Variants in UTRN observed in about 807,000 individuals in gnomAD.
UTRN encodes the protein dystrophin-related protein 1.
A neutral mutation model predicts 463.9 loss-of-function variants in UTRN; 283 were observed. That is an observed-to-expected ratio of 0.61 (90% CI 0.55 to 0.67). The LOEUF (loss-of-function observed/expected upper bound fraction) is 0.67, where lower values mean the gene tolerates loss of function less well. Ranked by LOEUF, UTRN falls within the 30% of genes least tolerant of loss-of-function variation. The probability of loss-of-function intolerance (pLI) is 0.00; values close to 1 mark genes in which losing one functional copy is unlikely to be tolerated. For missense variants in UTRN, 3,922 were observed against 4,084.3 expected (o/e 0.96, Z 1.08); for synonymous variants, 1,442 against 1,431.5 (o/e 1.01, Z -0.17).
In UTRN at chr6:144,436,037, G is replaced by T; in HGVS notation, c.958G>T (p.Glu320Ter). The T allele has an allele frequency of 6.2e-7, 1 of 1,614,240 alleles. No individual in the cohort carries two copies. Among genetic ancestry groups the T allele is most frequent in the Admixed American group, 1.7e-5 (1 of 60,030 alleles). Residue 320 changes from glutamate to a stop codon, truncating the protein, a stop_gained, in exon 10 of 75, where the codon GAA becomes TAA. Transcript: ENST00000367545. LOFTEE classifies it high-confidence loss of function. ...DLDSYQIALE[E>*]VLTWLLSAED... ...GGACAGCTATCAGATTGCGTTGGAG[G>T]AAGTGCTGACCTGGTTGCTTTCTGC...
In UTRN at chr6:144,827,378, G is replaced by A. The variant is rs115925691; in HGVS notation, c.9525G>A (p.Glu3175=). ...TCACACTCATCAGTATGTGGCCAGA[G>A]CACTATGAGTGAGTATTCATAGCCC... ...TPITLISMWP[E]HYDPSQSPQL... is the part of the protein sequence containing the mutation. The change falls in exon 67 of 75, where the codon GAG becomes GAA. Residue 3175 remains glutamate (E), a synonymous_variant. Coordinates refer to ENST00000367545, the MANE Select transcript of UTRN (RefSeq NM_007124.3). The A allele has an allele frequency of 2.1e-5, 34 of 1,613,474 alleles. No individual in the cohort carries two copies. The highest frequency in any genetic ancestry group is 3.3e-5 in the Admixed American group (2 of 59,968).
At chr6:144,290,798 C>G (rs986794498) in intron 1 of UTRN, among the ~76,000 whole-genome samples, 1 of 121,484 alleles carries the variant, frequency 8.2e-6, no homozygotes, top group African/African-American at 3.3e-5. Flanking sequence ...GAGTCTCACT[C>G]TCGTTGCCCA....
chr6:144,818,256 C>T (rs1779255934), intron 65 of UTRN, among the ~76,000 whole-genome samples: 1 of 152,124 alleles, frequency 6.6e-6, no homozygotes, highest in South Asian at 2.1e-4. Flanking sequence ...TAATGCTTGC[C>T]ATGGGTTGTG....
At chr6:144,723,040 A>G (rs1282446636) in intron 53 of UTRN, among the ~76,000 whole-genome samples, 2 of 152,278 alleles carry the variant, frequency 1.3e-5, no homozygotes, top group African/African-American at 2.4e-5. Flanking sequence ...AATGACTGAC[A>G]GTAATTTGGA....
intron 53 of UTRN, among the ~76,000 whole-genome samples, chr6:144,714,577 T>C (rs539245482): frequency 2.6e-5 from 4 of 152,338 alleles, no homozygotes; most frequent in Non-Finnish European, 2.9e-5. Flanking sequence ...TTCTTAGTAA[T>C]ATTTGGACAA....
intron 51 of UTRN, among the ~76,000 whole-genome samples, chr6:144,676,609 T>C (rs6907773): frequency 5.9e-5 from 9 of 151,700 alleles, no homozygotes; most frequent in Non-Finnish European, 1.5e-5. Flanking sequence ...ATGTGCCATG[T>C]TGGTTTGTTG....
chr6:144,479,174 A>G (rs559058513), intron 25 of UTRN, among the ~76,000 whole-genome samples: 92 of 132,728 alleles, frequency 6.9e-4, no homozygotes, highest in South Asian at 2.6e-3. Flanking sequence ...GTTAGAGTGC[A>G]GTGGTGCGAT....
At chr6:144,504,892 G>T (rs1297930252) in intron 34 of UTRN, among the ~76,000 whole-genome samples, 2 of 151,984 alleles carry the variant, frequency 1.3e-5, no homozygotes, top group Admixed American at 6.6e-5. Flanking sequence ...CTGGTCCTGG[G>T]CTTTTGTTGG....
intron 51 of UTRN, among the ~76,000 whole-genome samples, chr6:144,637,005 G>A (rs1299827418): frequency 1.3e-5 from 2 of 152,068 alleles, no homozygotes; most frequent in African/African-American, 4.8e-5. Flanking sequence ...AGTCTTCATT[G>A]ACACCCAGCC....
chr6:144,368,758 C>T (rs80215681), intron 2 of UTRN, among the ~76,000 whole-genome samples: 1 of 150,942 alleles, frequency 6.6e-6, no homozygotes, highest in Non-Finnish European at 1.5e-5. Context: ...TGGGCAACTC[C>T]GTCGCAAAAA....
intron 60 of UTRN, 110 bp from the exon 61 acceptor site, chr6:144,781,812 T>G: frequency 1.4e-6 from 1 of 740,558 alleles, no homozygotes; most frequent in South Asian, 2.3e-5. Flanking sequence ...GATTCTTAAA[T>G]TGAAGAATCA....
At chr6:144,839,075 A>T in intron 71 of UTRN, 98 bp from the exon 72 acceptor site, 1 of 868,046 alleles carries the variant, frequency 1.2e-6, no homozygotes, top group South Asian at 1.7e-5. Context: ...TATATGATTT[A>T]ATTATCCATG....
At chr6:144,472,063 C>T (rs1302450936) in intron 23 of UTRN, among the ~76,000 whole-genome samples, 1 of 152,172 alleles carries the variant, frequency 6.6e-6, no homozygotes, top group African/African-American at 2.4e-5. Flanking sequence ...TCATTTACGT[C>T]ATAATCTTGT....
In UTRN at chr6:144,413,430, G is replaced by A. The variant is rs185018715; in HGVS notation, c.142-8448G>A. ...GGCCATGGTGAGAAGCAAAGGAGGA[G>A]CAAAGTCACGTCTTGCATGGCGTCA... On this transcript the variant is annotated intron_variant, in intron 3 of 74. Transcript: ENST00000367545. 1.8e-4 allele frequency among the ~76,000 whole-genome samples: 27 copies of A among 152,302 alleles called. 1 individual carries two copies. Among genetic ancestry groups the A allele is most frequent in the Admixed American group, 1.7e-3 (26 of 15,302 alleles).
chr6:144,666,178 T>C (rs1230050040), intron 51 of UTRN, among the ~76,000 whole-genome samples: 1 of 152,200 alleles, frequency 6.6e-6, no homozygotes, highest in East Asian at 1.9e-4. Flanking sequence ...AGGGTCATGA[T>C]CTGACAGCCT....
intron 51 of UTRN, among the ~76,000 whole-genome samples, chr6:144,577,996 A>G (rs1306351602): frequency 1.3e-5 from 2 of 152,202 alleles, no homozygotes; most frequent in African/African-American, 2.4e-5. Context: ...TGAGGTCAGG[A>G]GTTTGAGACC....
At chr6:144,484,988 C>T (rs541674374) in intron 27 of UTRN, among the ~76,000 whole-genome samples, 2 of 152,106 alleles carry the variant, frequency 1.3e-5, no homozygotes, top group Non-Finnish European at 2.9e-5. Context: ...AATCTCAGCT[C>T]ACCGCAACCT....
intron 74 of UTRN, among the ~76,000 whole-genome samples, chr6:144,848,475 A>G (rs1303236513): frequency 6.6e-6 from 1 of 152,202 alleles, no homozygotes; most frequent in Non-Finnish European, 1.5e-5. Context: ...CAGTAGTGAA[A>G]GGAATGAGGA....
intron 56 of UTRN, 30 bp downstream of exon 56, chr6:144,751,982 G>C (rs765730635): frequency 3.2e-6 from 5 of 1,569,678 alleles, no homozygotes; most frequent in Non-Finnish European, 4.3e-6. Context: ...CATAATGCAG[G>C]CTTACACCTT....
Sources: gnomAD v4.1 joint callset for allele counts (sites outside exome capture counted in the v4.1 genomes callset) on GRCh38, gnomAD v4.1.1 for gene constraint, MANE v1.5 for transcripts, NCBI Gene and HGNC (gene_info 2026-07-23, HGNC 2026-07-21) for gene names.